Variants in ZDHHC13 observed in about 807,000 individuals in gnomAD.
ZDHHC13 encodes the protein palmitoyltransferase ZDHHC13.
A neutral mutation model predicts 86.0 loss-of-function variants in ZDHHC13; 85 were observed. The ratio of observed to expected loss-of-function variants is 0.99; its 90% CI spans 0.83 to 1.18. The LOEUF (loss-of-function observed/expected upper bound fraction) is 1.18. Ranked by LOEUF, ZDHHC13 falls within the 50% of genes most tolerant of loss-of-function variation. The probability of loss-of-function intolerance (pLI) is 0.00; values close to 1 mark genes in which losing one functional copy is unlikely to be tolerated. For missense variants in ZDHHC13, 711 were observed against 730.2 expected (o/e 0.97, Z 0.30); for synonymous variants, 263 against 246.4 (o/e 1.07, Z -0.63).
chr11:19,169,414 TA>T, intron 14 of ZDHHC13: 1 of 985,414 alleles, frequency 1.0e-6, no homozygotes, highest in Non-Finnish European at 1.2e-6. Flanking sequence ...ATCAGAGACT[TA>T]AAGAGAAAAG....
intron 1 of ZDHHC13, among the ~76,000 whole-genome samples, chr11:19,137,692 A>G (rs1329353226): frequency 6.6e-6 from 1 of 152,246 alleles, no homozygotes. Flanking sequence ...GCAAAAGAAC[A>G]GAAATTATAA....
At chr11:19,136,293 C>T (rs1053031668) in intron 1 of ZDHHC13, among the ~76,000 whole-genome samples, 20 of 151,568 alleles carry the variant, frequency 1.3e-4, no homozygotes, top group Non-Finnish European at 4.4e-5. Context: ...CCTCAGGAGC[C>T]GATGCGATCA....
At chr11:19,160,098 C>T (rs1849869883) in intron 10 of ZDHHC13, among the ~76,000 whole-genome samples, 1 of 151,940 alleles carries the variant, frequency 6.6e-6, no homozygotes, top group Non-Finnish European at 1.5e-5. Context: ...AATATTTTTT[C>T]CATAGGAATA....
At chr11:19,159,231 A>T (rs1849841869) in intron 10 of ZDHHC13, among the ~76,000 whole-genome samples, 191 bp downstream of exon 10, 1 of 152,190 alleles carries the variant, frequency 6.6e-6, no homozygotes, top group South Asian at 2.1e-4. Context: ...AGAGTACATT[A>T]TGGAAACAGT....
chr11:19,144,789 A>G (rs1343336296), intron 2 of ZDHHC13, among the ~76,000 whole-genome samples: 1 of 152,172 alleles, frequency 6.6e-6, no homozygotes, highest in African/African-American at 2.4e-5. Context: ...GTTTTAAAGA[A>G]AGTGCTAAAG....
At chr11:19,150,096 A>C (rs1193361340) in intron 5 of ZDHHC13, among the ~76,000 whole-genome samples, 1 of 152,192 alleles carries the variant, frequency 6.6e-6, no homozygotes, top group African/African-American at 2.4e-5. Flanking sequence ...AAGGCCCATA[A>C]GAATCTTCAG....
chr11:19,127,935 T>A (rs148831170), intron 1 of ZDHHC13, among the ~76,000 whole-genome samples: 1 of 152,354 alleles, frequency 6.6e-6, no homozygotes, highest in African/African-American at 2.4e-5. Context: ...CTATTCAGGC[T>A]CTTTTTTGGT....
intron 10 of ZDHHC13, among the ~76,000 whole-genome samples, chr11:19,160,746 C>T (rs1849887517): frequency 6.6e-6 from 1 of 151,936 alleles, no homozygotes; most frequent in African/African-American, 2.4e-5. Context: ...GAGAATAACA[C>T]ACCCCTAAGC....
rs551703396 is a variant in ZDHHC13, at chr11:19,125,732, A to G, written c.27+8456A>G. Among the ~76,000 whole-genome samples, 220 of 152,348 alleles carry G rather than the reference A, an allele frequency of 1.4e-3. 2 individuals are homozygous for G. Among genetic ancestry groups the G allele is most frequent in the Non-Finnish European group, 2.4e-3 (165 of 68,034 alleles). On this transcript the variant is annotated intron_variant, in intron 1 of 16. Transcript: ENST00000446113. ...TAGATTATCTGTGACGCACCCATAT[A>G]GTGGGATACTACACAGCAGTAAAAA...
intron 1 of ZDHHC13, among the ~76,000 whole-genome samples, chr11:19,133,942 T>TATATAC: frequency 3.1e-5 from 3 of 96,090 alleles, no homozygotes; most frequent in African/African-American, 6.8e-5. Context: ...TATATATATA[T>TATATAC]ACACGTATGT....
intron 6 of ZDHHC13, 76 bp from the exon 7 acceptor site, chr11:19,152,082 A>G (rs1849622798): frequency 4.8e-6 from 7 of 1,472,640 alleles, no homozygotes; most frequent in Non-Finnish European, 6.4e-6. Flanking sequence ...TTATCTTAAA[A>G]GATTCATAAT....
chr11:19,164,568 C>T, intron 12 of ZDHHC13: 1 of 583,038 alleles, frequency 1.7e-6, no homozygotes, highest in Non-Finnish European at 3.0e-6. Context: ...TCTCTGGTTA[C>T]ATCTCTCCGT....
chr11:19,165,254 T>G, intron 13 of ZDHHC13, 109 bp downstream of exon 13: 1 of 978,576 alleles, frequency 1.0e-6, no homozygotes, highest in South Asian at 1.5e-5. Context: ...AATATTCTAG[T>G]ATTCCAATAG....
chr11:19,140,458 A>C (rs1001540092), intron 1 of ZDHHC13, among the ~76,000 whole-genome samples: 1 of 152,226 alleles, frequency 6.6e-6, no homozygotes, highest in African/African-American at 2.4e-5. Flanking sequence ...ACACTTTTCA[A>C]CTTTTGGTGG....
intron 1 of ZDHHC13, among the ~76,000 whole-genome samples, chr11:19,133,042 G>T (rs1271693816): frequency 1.3e-5 from 2 of 152,022 alleles, no homozygotes; most frequent in African/African-American, 2.4e-5. Context: ...ACACAAAAAT[G>T]GACAAATTGC....
intron 1 of ZDHHC13, among the ~76,000 whole-genome samples, chr11:19,126,542 G>A (rs1302946796): frequency 2.3e-5 from 3 of 129,098 alleles, no homozygotes; most frequent in Non-Finnish European, 4.8e-5. Flanking sequence ...TAGAGACGGA[G>A]TTTCACCATG....
chr11:19,138,385 G>C (rs1304298749), intron 1 of ZDHHC13, among the ~76,000 whole-genome samples: 1 of 151,340 alleles, frequency 6.6e-6, no homozygotes, highest in African/African-American at 2.4e-5. Flanking sequence ...TCTCTGAATA[G>C]ACCAATAACA....
intron 6 of ZDHHC13, 123 bp downstream of exon 6, chr11:19,150,914 A>T: frequency 1.3e-6 from 1 of 795,116 alleles, no homozygotes; most frequent in Non-Finnish European, 2.0e-6. Flanking sequence ...AAGATTTTTC[A>T]CACAGAGACT....
intron 8 of ZDHHC13, among the ~76,000 whole-genome samples, chr11:19,154,409 G>A (rs538132945): frequency 2.6e-5 from 4 of 151,990 alleles, no homozygotes; most frequent in Non-Finnish European, 5.9e-5. Context: ...CCCATTTTGT[G>A]TCATCATGCC....
Sources: allele counts gnomAD v4.1 joint callset (sites outside exome capture counted in the v4.1 genomes callset), GRCh38; gene constraint gnomAD v4.1.1; transcripts MANE v1.5; gene names NCBI Gene and HGNC (gene_info 2026-07-23, HGNC 2026-07-21).